NEBL: variants seen among roughly 807,000 people sequenced by gnomAD.
NEBL encodes the protein LIM and SH3 protein 2.
Under a neutral mutation model 140.2 loss-of-function variants are expected in NEBL, and 122 were observed. The ratio of observed to expected loss-of-function variants is 0.87; its 90% CI spans 0.75 to 1.01. The LOEUF (loss-of-function observed/expected upper bound fraction) is 1.01, where lower values mean the gene tolerates loss of function less well. Ranked by LOEUF, NEBL falls within the 50% of genes least tolerant of loss-of-function variation. The pLI, the probability that NEBL is intolerant of heterozygous loss-of-function variation, is 0.00. For synonymous variants in NEBL, 436 were observed against 398.9 expected, an observed-to-expected ratio of 1.09 and a Z score of -1.11; for missense variants, 1,365 against 1,231.3, an observed-to-expected ratio of 1.11 and a Z score of -1.62.
At chr10:21,197,955 C>A (rs180897787) in intron 3 of NEBL, among the ~76,000 whole-genome samples, 25 of 152,222 alleles carry the variant, frequency 1.6e-4, no homozygotes, top group African/African-American at 6.0e-4. Context: ...CAGCCCAACT[C>A]CTCCAGGAGA....
At chr10:21,209,996 C>T (rs1235204517) in intron 3 of NEBL, among the ~76,000 whole-genome samples, 1 of 152,174 alleles carries the variant, frequency 6.6e-6, no homozygotes, top group Non-Finnish European at 1.5e-5. Flanking sequence ...TTTGGTTAAG[C>T]TGACCCTAAA....
intron 3 of NEBL, among the ~76,000 whole-genome samples, chr10:21,189,656 CG>C (rs56931456): frequency 0.22 from 33,868 of 151,780 alleles, 4,487 homozygotes; most frequent in African/African-American, 0.36. Flanking sequence ...TCAGTAGAGA[CG>C]GGGGTCTCAC....
chr10:21,054,919 A>G (rs1834941700), intron 2 of NEBL, among the ~76,000 whole-genome samples: 1 of 152,218 alleles, frequency 6.6e-6, no homozygotes, highest in Non-Finnish European at 1.5e-5. Context: ...ACACAAAGAC[A>G]GATTTCAATG....
rs147946782 is a variant in NEBL at position 21,125,010 on chromosome 10, AAGTGC to A, written c.164+47368_164+47372del. On this transcript the variant is annotated intron_variant, in intron 2 of 6. Coordinates refer to the NEBL transcript ENST00000417816. ...GCACAGCCTGCATCAGTCTCCACTG[AAGTGC>A]AGTGTTGAGAGGTGACGGGGCAAGG... 2.1e-3 allele frequency among the ~76,000 whole-genome samples: 314 copies of A among 152,348 alleles called. 11 individuals are homozygous for A. The East Asian group carries it at 0.054, about 26-fold the overall frequency.
intron 2 of NEBL, chr10:21,110,577 A>T (rs769123812): frequency 9.8e-6 from 2 of 204,020 alleles, no homozygotes; most frequent in African/African-American, 4.7e-5. Context: ...CATACTCTCA[A>T]ATAACTAGCC....
chr10:20,819,842 G>A lies in NEBL; in HGVS notation c.1963-326C>T, dbSNP rs946256218. On this transcript the variant is annotated intron_variant, in intron 19 of 27. Transcript: ENST00000377122. ...CAAGCTCCAGCGATCCTCCCGACTC[G>A]GCCTCCCAAAGTGCTGGGATTACAG... 6.6e-5 allele frequency among the ~76,000 whole-genome samples: 10 copies of A among 151,928 alleles called. No individual in the cohort carries two copies. In the South Asian group the frequency reaches 1.0e-3, roughly 16 times the overall value.
intron 2 of NEBL, chr10:21,029,223 T>C: frequency 1.4e-6 from 2 of 1,476,578 alleles, no homozygotes; most frequent in South Asian, 2.3e-5. Context: ...TCCTTCCCAC[T>C]GCTCCACCGG....
At chr10:20,877,132 A>G (rs1208009022) in intron 5 of NEBL, among the ~76,000 whole-genome samples, 1 of 152,216 alleles carries the variant, frequency 6.6e-6, no homozygotes, top group Non-Finnish European at 1.5e-5. Flanking sequence ...TTAAAAGTAG[A>G]AGGAGGACGA....
intron 2 of NEBL, among the ~76,000 whole-genome samples, chr10:21,077,763 C>A (rs1001800808): frequency 6.6e-6 from 1 of 152,014 alleles, no homozygotes; most frequent in African/African-American, 2.4e-5. Flanking sequence ...CATAAATCCC[C>A]TAGCACTTGC....
At chr10:21,227,841 T>TTC in intron 3 of NEBL, among the ~76,000 whole-genome samples, 1 of 149,670 alleles carries the variant, frequency 6.7e-6, no homozygotes, top group South Asian at 2.1e-4. Context: ...CTTCTTCTTC[T>TTC]TTCTTCTTCT....
At chr10:20,830,818 AG>A (rs1475133744) in intron 16 of NEBL, among the ~76,000 whole-genome samples, 3 of 150,332 alleles carry the variant, frequency 2.0e-5, no homozygotes, top group Non-Finnish European at 4.4e-5. Flanking sequence ...CAGGAAGATA[AG>A]CTTGAGCCCA....
chr10:21,029,685 T>G (rs1354604392), intron 2 of NEBL: 4 of 1,095,552 alleles, frequency 3.7e-6, no homozygotes, highest in Non-Finnish European at 5.6e-6. Context: ...ATCGTTATGA[T>G]TCAGACCAGT....
chr10:20,877,287 T>A (rs1845592292), intron 5 of NEBL, among the ~76,000 whole-genome samples: 1 of 152,132 alleles, frequency 6.6e-6, no homozygotes, highest in Non-Finnish European at 1.5e-5. Context: ...AAAATGGAGA[T>A]TTAGAGACAT....
intron 3 of NEBL, among the ~76,000 whole-genome samples, chr10:21,229,609 A>T (rs1842218223): frequency 6.6e-6 from 1 of 152,124 alleles, no homozygotes; most frequent in Non-Finnish European, 1.5e-5. Flanking sequence ...CTGACTGGAG[A>T]GTAAGTGGTG....
At chr10:21,167,899 T>C (rs1840854703) in intron 2 of NEBL, among the ~76,000 whole-genome samples, 1 of 152,202 alleles carries the variant, frequency 6.6e-6, no homozygotes, top group Non-Finnish European at 1.5e-5. Flanking sequence ...AAAGAATCCA[T>C]TGCCTGCTTA....
rs565611615 is a variant in NEBL, at chr10:20,939,308, C to A, written c.357+22364G>T. 3.1e-3 allele frequency among the ~76,000 whole-genome samples: 474 copies of A among 152,236 alleles called. 3 individuals carry two copies. The highest frequency in any genetic ancestry group is 4.8e-3 in the Non-Finnish European group (327 of 68,008). ...CATTCTTAAAGAAAAGAATTTTCAA[C>A]CCAGAATTTCATATCCAGCCAAACT... On this transcript the variant is annotated intron_variant, in intron 4 of 6. Transcript: ENST00000417816.
At chr10:21,109,076 C>G (rs996115054) in intron 2 of NEBL, among the ~76,000 whole-genome samples, 3 of 152,020 alleles carry the variant, frequency 2.0e-5, no homozygotes, top group South Asian at 2.1e-4. Context: ...TGTCTTGTGC[C>G]GGTTTTCAAA....
intron 2 of NEBL, among the ~76,000 whole-genome samples, chr10:20,891,486 A>T (rs1847027472): frequency 6.6e-6 from 1 of 152,182 alleles, no homozygotes; most frequent in African/African-American, 2.4e-5. Context: ...AGTTTGACTC[A>T]TTATTTTTAT....
In NEBL at chr10:20,976,922, T is replaced by TAAA. The variant is rs373538681; in HGVS notation, c.250-15146_250-15144dup. On this transcript the variant is annotated intron_variant, in intron 3 of 6. Transcript: ENST00000417816. ...TGCATATGTATTCCTGAATCTACAT[T>TAAA]AAAAAAAAAAAAAAAAAGTGCTTCA... Among the ~76,000 whole-genome samples, 11 of 129,792 alleles carry TAAA rather than the reference T, an allele frequency of 8.5e-5. No homozygotes were observed. In the East Asian group the frequency reaches 1.8e-3, roughly 21 times the overall value. 85.1% of individuals were successfully genotyped at this position (129,792 alleles called of 152,430 possible). A position where few individuals can be genotyped will look rare whatever the true frequency, so the allele number is the denominator to read the frequency against.
Sources: gnomAD v4.1 joint callset for allele counts (sites outside exome capture counted in the v4.1 genomes callset) on GRCh38, gnomAD v4.1.1 for gene constraint, MANE v1.5 for transcripts, NCBI Gene and HGNC (gene_info 2026-07-23, HGNC 2026-07-21) for gene names.